SDK1: variants seen among roughly 807,000 people sequenced by gnomAD.
SDK1 encodes the protein sidekick cell adhesion molecule 1.
In SDK1, 157 loss-of-function variants were observed where a neutral mutation model predicts 245.5. The ratio of observed to expected loss-of-function variants is 0.64; its 90% CI spans 0.56 to 0.73. The LOEUF (loss-of-function observed/expected upper bound fraction) is 0.73. Ranked by LOEUF, SDK1 falls within the 30% of genes least tolerant of loss-of-function variation. The pLI is 0.00. For synonymous variants in SDK1, 1,647 were observed against 1,278.5 expected (o/e 1.29, Z -6.15); for missense variants, 3,583 against 3,002.3 (o/e 1.19, Z -4.52).
chr7:3,512,452 A>T (rs1175681346), intron 1 of SDK1, among the ~76,000 whole-genome samples: 1 of 152,212 alleles, frequency 6.6e-6, no homozygotes. Flanking sequence ...GTATGTGGAA[A>T]TAAGTTTTCC....
At chr7:4,240,925 G>T (rs1014848666) in intron 42 of SDK1, among the ~76,000 whole-genome samples, 1 of 152,214 alleles carries the variant, frequency 6.6e-6, no homozygotes, top group Non-Finnish European at 1.5e-5. Flanking sequence ...GGAAGATGAC[G>T]CGGGGGTTTG....
At chr7:3,749,103 T>C (rs17150728) in intron 4 of SDK1, among the ~76,000 whole-genome samples, 2,205 of 152,270 alleles carry the variant, frequency 0.014, 54 homozygotes, top group African/African-American at 0.049. Flanking sequence ...ATATAATAGA[T>C]AAGTACATGA....
intron 1 of SDK1, among the ~76,000 whole-genome samples, chr7:3,510,289 G>A (rs1382375993): frequency 6.6e-6 from 1 of 152,188 alleles, no homozygotes; most frequent in Non-Finnish European, 1.5e-5. Context: ...GGAAAGCAGT[G>A]TCTGAATACT....
At chr7:3,428,731 A>T (rs138694777) in intron 1 of SDK1, among the ~76,000 whole-genome samples, 1 of 152,146 alleles carries the variant, frequency 6.6e-6, no homozygotes. Context: ...AACATACCTG[A>T]CCTTATCTGA....
At chr7:3,716,051 TC>T (rs1267162754) in intron 4 of SDK1, among the ~76,000 whole-genome samples, 7 of 150,270 alleles carry the variant, frequency 4.7e-5, no homozygotes, top group Non-Finnish European at 1.0e-4. Flanking sequence ...CAAAGATAGA[TC>T]GGTGAATATG....
intron 34 of SDK1, 120 bp from the exon 35 acceptor site, chr7:4,178,365 C>G (rs1782374559): frequency 2.7e-6 from 2 of 751,188 alleles, no homozygotes; most frequent in Non-Finnish European, 4.7e-6. Flanking sequence ...AGATTTCTAA[C>G]AATCCCGCCT....
chr7:3,393,460 C>T (rs1051989124), intron 1 of SDK1, among the ~76,000 whole-genome samples: 8 of 152,088 alleles, frequency 5.3e-5, no homozygotes, highest in Admixed American at 4.6e-4. Flanking sequence ...TTTTAATTTT[C>T]CTTTCCTATA....
At chr7:4,003,805 T>A (rs1305201895) in intron 14 of SDK1, among the ~76,000 whole-genome samples, 1 of 152,212 alleles carries the variant, frequency 6.6e-6, no homozygotes, top group Non-Finnish European at 1.5e-5. Context: ...ATACTCAGTG[T>A]CTAGAGAGAC....
At chr7:3,393,242 G>A (rs1214241678) in intron 1 of SDK1, among the ~76,000 whole-genome samples, 1 of 151,980 alleles carries the variant, frequency 6.6e-6, no homozygotes, top group Non-Finnish European at 1.5e-5. Context: ...ACAGTGCTGG[G>A]ATTACAGGTA....
intron 4 of SDK1, among the ~76,000 whole-genome samples, chr7:3,745,265 A>G (rs76699115): frequency 0.016 from 2,383 of 152,356 alleles, 23 homozygotes; most frequent in South Asian, 0.043. Flanking sequence ...AATCAAAATC[A>G]TAAGTGAAAT....
chr7:3,523,811 G>C (rs1163897102), intron 1 of SDK1, among the ~76,000 whole-genome samples: 1 of 152,196 alleles, frequency 6.6e-6, no homozygotes, highest in Non-Finnish European at 1.5e-5. Context: ...AGCCAATTTA[G>C]TCTCTTTGTT....
intron 4 of SDK1, among the ~76,000 whole-genome samples, chr7:3,742,314 C>T (rs542191293): frequency 6.6e-6 from 1 of 152,208 alleles, no homozygotes; most frequent in East Asian, 1.9e-4. Flanking sequence ...AAGAAAAAGA[C>T]ACAAGATGAG....
chr7:3,833,384 CTG>C (rs1165119639), intron 5 of SDK1, among the ~76,000 whole-genome samples: 1 of 152,202 alleles, frequency 6.6e-6, no homozygotes. Flanking sequence ...GGATGTCACT[CTG>C]TGGTTCTATT....
chr7:4,087,220 T>A (rs1331269034), intron 22 of SDK1, among the ~76,000 whole-genome samples: 1 of 152,174 alleles, frequency 6.6e-6, no homozygotes, highest in South Asian at 2.1e-4. Flanking sequence ...GAGGTATGAA[T>A]CCATTTTCAT....
At chr7:3,406,979 T>TAC (rs10699635) in intron 1 of SDK1, among the ~76,000 whole-genome samples, 52,460 of 151,836 alleles carry the variant, frequency 0.35, 11,646 homozygotes, top group African/African-American at 0.64. Flanking sequence ...TTGAATAAAC[T>TAC]AGAGTGGATG....
At chr7:4,224,918 G>C (rs1200158735) in intron 40 of SDK1, among the ~76,000 whole-genome samples, 1 of 139,378 alleles carries the variant, frequency 7.2e-6, no homozygotes, top group East Asian at 2.2e-4. Flanking sequence ...AGAAGGCAGA[G>C]GTTGCAGTGA....
intron 4 of SDK1, among the ~76,000 whole-genome samples, chr7:3,775,535 C>G (rs994998001): frequency 6.6e-6 from 1 of 150,994 alleles, no homozygotes; most frequent in East Asian, 1.9e-4. Context: ...CTAAATCAGC[C>G]TTTCATAACA....
intron 1 of SDK1, among the ~76,000 whole-genome samples, chr7:3,422,407 T>G (rs1185693259): frequency 6.6e-6 from 1 of 152,178 alleles, no homozygotes; most frequent in Non-Finnish European, 1.5e-5. Context: ...TCTAAATAAA[T>G]GTTAGTAGGT....
intron 1 of SDK1, among the ~76,000 whole-genome samples, chr7:3,612,996 G>T (rs1283859362): frequency 3.9e-5 from 6 of 152,146 alleles, no homozygotes; most frequent in Non-Finnish European, 7.3e-5. Flanking sequence ...TAAAATGCAG[G>T]AGAAAAGGGC....
Sources: gnomAD v4.1 joint callset for allele counts (sites outside exome capture counted in the v4.1 genomes callset) on GRCh38, gnomAD v4.1.1 for gene constraint, MANE v1.5 for transcripts, NCBI Gene and HGNC (gene_info 2026-07-23, HGNC 2026-07-21) for gene names.